The following SCD5 variants were observed in gnomAD, a reference collection of about 807,000 sequenced individuals.
SCD5 encodes acyl-CoA-desaturase 4.
SCD5 carries 20 observed loss-of-function variants against 30.4 expected under a neutral mutation model. The ratio of observed to expected loss-of-function variants is 0.66; its 90% CI spans 0.46 to 0.96. The LOEUF is 0.96. Ranked by LOEUF, SCD5 falls within the 40% of genes least tolerant of loss-of-function variation. The probability of loss-of-function intolerance (pLI) is 0.00; values close to 1 mark genes in which losing one functional copy is unlikely to be tolerated. For missense variants in SCD5, 381 were observed against 443.3 expected (o/e 0.86, Z 1.26); for synonymous variants, 173 against 176.4 (o/e 0.98, Z 0.16).
At chr4:82,637,645 T>C (rs1339215619) in intron 3 of SCD5, among the ~76,000 whole-genome samples, 1 of 152,178 alleles carries the variant, frequency 6.6e-6, no homozygotes, top group African/African-American at 2.4e-5. Flanking sequence ...GGCAGGAACA[T>C]CAAAGTAACT....
chr4:82,707,240 G>A (rs1399938841), intron 1 of SCD5, among the ~76,000 whole-genome samples: 1 of 152,196 alleles, frequency 6.6e-6, no homozygotes, highest in African/African-American at 2.4e-5. Flanking sequence ...AGAGAAAGGT[G>A]CTAAATCAAT....
At chr4:82,679,147 C>T (rs576371411) in intron 3 of SCD5, among the ~76,000 whole-genome samples, 39 of 148,060 alleles carry the variant, frequency 2.6e-4, no homozygotes, top group South Asian at 6.4e-4. Context: ...TGCAGTGAGC[C>T]GAGATCACGC....
intron 1 of SCD5, among the ~76,000 whole-genome samples, chr4:82,761,151 G>GAC (rs1721355390): frequency 6.6e-6 from 1 of 152,186 alleles, no homozygotes; most frequent in Non-Finnish European, 1.5e-5. Context: ...GTGTCCTCTG[G>GAC]TTATCAAAGT....
Position 82,705,276 on chromosome 4 carries a change from T to C in SCD5, c.363+7A>G, listed in dbSNP as rs3821972. The C allele has an allele frequency of 0.069, 111,917 of 1,613,988 alleles. 4,252 individuals carry two copies. Among genetic ancestry groups the C allele is most frequent in the South Asian group, 0.091 (8,299 of 91,056 alleles). On this transcript the variant is annotated splice_region_variant and intron_variant, in intron 2 of 4. Transcript: ENST00000319540. ...CTCCCAACACAGAGAGGACCCTCCA[T>C]CCTCACCTGGAAAGCCATGGAGTTG...
chr4:82,649,558 T>A (rs575891497), intron 3 of SCD5, among the ~76,000 whole-genome samples: 2 of 152,186 alleles, frequency 1.3e-5, no homozygotes, highest in Non-Finnish European at 2.9e-5. Context: ...ATTCTGTGGC[T>A]GGATTCTGAA....
At chr4:82,688,960 A>C (rs543959229) in intron 2 of SCD5, among the ~76,000 whole-genome samples, 1 of 152,316 alleles carries the variant, frequency 6.6e-6, no homozygotes, top group African/African-American at 2.4e-5. Context: ...AATCTTTCCA[A>C]TTTGGGCTTT....
chr4:82,705,559 G>A lies in SCD5; in HGVS notation c.233-146C>T, dbSNP rs181292099. Reference sequence around the variant, plus strand: ...ATGAAGAATCAATAACTTGAGAGGAGGCAGCCTTTTTATTGATTTGTAGCA... The same window carrying A: ...ATGAAGAATCAATAACTTGAGAGGAAGCAGCCTTTTTATTGATTTGTAGCA... On this transcript the variant is annotated intron_variant, in intron 1 of 4. Transcript: ENST00000319540. 7.1e-4 allele frequency: 811 copies of A among 1,144,868 alleles called. 4 individuals carry two copies. The African/African-American group carries it at 0.011, about 16-fold the overall frequency. 70.9% of individuals were successfully genotyped at this position (1,144,868 alleles called of 1,614,324 possible).
At chr4:82,680,525 C>T (rs1275120179) in intron 3 of SCD5, among the ~76,000 whole-genome samples, 182 bp downstream of exon 3, 1 of 152,034 alleles carries the variant, frequency 6.6e-6, no homozygotes, top group Non-Finnish European at 1.5e-5. Context: ...AACAAATGTG[C>T]CAATGGGCAA....
At chr4:82,641,985 C>T (rs1319364168) in intron 3 of SCD5, among the ~76,000 whole-genome samples, 1 of 152,000 alleles carries the variant, frequency 6.6e-6, no homozygotes, top group Non-Finnish European at 1.5e-5. Context: ...AATATACATC[C>T]AAATGGGGCT....
chr4:82,674,389 C>T (rs1277272414), intron 3 of SCD5, among the ~76,000 whole-genome samples: 3 of 152,120 alleles, frequency 2.0e-5, no homozygotes, highest in Non-Finnish European at 4.4e-5. Context: ...AAGCTTATCT[C>T]ATCAGGGAAA....
Position 82,681,278 on chromosome 4 carries a change from G to A in SCD5, c.364-366C>T, listed in dbSNP as rs114648314. Among the ~76,000 whole-genome samples the A allele has an allele frequency of 7.5e-3, 1,149 of 152,220 alleles. 10 individuals are homozygous for A. Among genetic ancestry groups the A allele is most frequent in the African/African-American group, 0.012 (513 of 41,514 alleles). Reference sequence around the variant, plus strand: ...AAGAGATCTTTTTTGTGGCTGCACCGTATTCCATGGTGTAAACATACCACA... The same window carrying A: ...AAGAGATCTTTTTTGTGGCTGCACCATATTCCATGGTGTAAACATACCACA... On this transcript the variant is annotated intron_variant, in intron 2 of 4. Transcript: ENST00000319540.
intron 1 of SCD5, among the ~76,000 whole-genome samples, chr4:82,715,163 G>C (rs1197528308): frequency 6.6e-6 from 1 of 151,328 alleles, no homozygotes. Flanking sequence ...CTTGAACCCA[G>C]GAGGCAGAGG....
intron 1 of SCD5, among the ~76,000 whole-genome samples, chr4:82,722,825 T>C (rs1428537412): frequency 6.6e-6 from 1 of 151,606 alleles, no homozygotes; most frequent in African/African-American, 2.4e-5. Context: ...CCCAGCACTT[T>C]GGGAGGCCGA....
intron 3 of SCD5, chr4:82,660,044 T>G (rs1245066184): frequency 6.7e-6 from 1 of 148,388 alleles, no homozygotes; most frequent in Non-Finnish European, 1.5e-5. Flanking sequence ...AAAACAGACT[T>G]TAAACCAACA....
chr4:82,723,311 C>T (rs948833353), intron 1 of SCD5, among the ~76,000 whole-genome samples: 1 of 151,938 alleles, frequency 6.6e-6, no homozygotes, highest in Non-Finnish European at 1.5e-5. Context: ...GATGTGGATC[C>T]GCACCAAGAA....
intron 3 of SCD5, among the ~76,000 whole-genome samples, chr4:82,676,285 T>C (rs747073900): frequency 2.0e-4 from 31 of 152,206 alleles, no homozygotes; most frequent in Non-Finnish European, 4.1e-4. Flanking sequence ...AATTCTTTTA[T>C]ATATAAGAGA....
chr4:82,641,232 C>A (rs567061846), intron 3 of SCD5, among the ~76,000 whole-genome samples: 1 of 104,436 alleles, frequency 9.6e-6, no homozygotes, highest in African/African-American at 3.7e-5. Context: ...CCAGCCTAGG[C>A]GAAGAAGCAA....
intron 1 of SCD5, among the ~76,000 whole-genome samples, chr4:82,752,916 T>C (rs1721137134): frequency 6.6e-6 from 1 of 152,190 alleles, no homozygotes; most frequent in South Asian, 2.1e-4. Flanking sequence ...GGAGGTCCTC[T>C]TTGCTACCAT....
intron 3 of SCD5, 106 bp downstream of exon 3, chr4:82,680,601 G>A: frequency 9.9e-7 from 1 of 1,005,606 alleles, no homozygotes; most frequent in African/African-American, 1.6e-5. Context: ...AAATTGTTAG[G>A]GCAAATGCTT....
Sources: gnomAD v4.1 joint callset for allele counts (sites outside exome capture counted in the v4.1 genomes callset) on GRCh38, gnomAD v4.1.1 for gene constraint, MANE v1.5 for transcripts, NCBI Gene and HGNC (gene_info 2026-07-23, HGNC 2026-07-21) for gene names.